DTNA: variants seen among roughly 807,000 people sequenced by gnomAD.
DTNA encodes dystrobrevin alpha, also known as dystrophin-related protein 3.
DTNA carries 43 observed loss-of-function variants against 100.7 expected under a neutral mutation model. The observed-to-expected ratio is 0.43, with a 90% confidence interval of 0.33 to 0.55. The LOEUF (loss-of-function observed/expected upper bound fraction) is 0.55, where lower values mean the gene tolerates loss of function less well. DTNA is among the 20% of genes least tolerant of loss of function. The probability of loss-of-function intolerance (pLI) is 0.04; values close to 1 mark genes in which losing one functional copy is unlikely to be tolerated. For synonymous variants in DTNA, 349 were observed against 347.9 expected, an observed-to-expected ratio of 1.00 and a Z score of -0.04; for missense variants, 798 against 953.9, an observed-to-expected ratio of 0.84 and a Z score of 2.15.
chr18:34,509,634 A>G (rs2144848989), intron 1 of DTNA, among the ~76,000 whole-genome samples: 1 of 152,262 alleles, frequency 6.6e-6, no homozygotes, highest in South Asian at 2.1e-4. Flanking sequence ...AATATGAATC[A>G]TTTTCAAAAC....
intron 10 of DTNA, chr18:34,828,900 G>T: frequency 1.1e-6 from 1 of 921,726 alleles, no homozygotes; most frequent in Non-Finnish European, 1.7e-6. Flanking sequence ...ATCTGTAAAA[G>T]ACACAGGTCT....
At chr18:34,587,694 G>A (rs2049281812) in intron 1 of DTNA, among the ~76,000 whole-genome samples, 1 of 152,018 alleles carries the variant, frequency 6.6e-6, no homozygotes. Context: ...AGCTAACAAG[G>A]GATAAAGACC....
intron 1 of DTNA, among the ~76,000 whole-genome samples, chr18:34,522,924 T>G (rs1256838694): frequency 6.6e-6 from 1 of 152,230 alleles, no homozygotes; most frequent in African/African-American, 2.4e-5. Flanking sequence ...TGTCTTTCAT[T>G]TACAGGAGAC....
chr18:34,770,758 T>A (rs1017517000), intron 3 of DTNA, among the ~76,000 whole-genome samples: 3 of 151,254 alleles, frequency 2.0e-5, no homozygotes, highest in African/African-American at 7.3e-5. Context: ...TTTTTAAAAA[T>A]GCATACTCCC....
At chr18:34,615,227 A>G (rs2055011195) in intron 1 of DTNA, among the ~76,000 whole-genome samples, 1 of 151,970 alleles carries the variant, frequency 6.6e-6, no homozygotes, top group South Asian at 2.1e-4. Context: ...GTGGAGGGGA[A>G]GGTGCCACAC....
intron 3 of DTNA, among the ~76,000 whole-genome samples, chr18:34,781,953 GC>G (rs1174725180): frequency 1.3e-5 from 2 of 152,198 alleles, no homozygotes; most frequent in African/African-American, 2.4e-5. Flanking sequence ...ATGGCTGCCA[GC>G]CCTATCGGTG....
intron 9 of DTNA, chr18:34,822,376 T>C (rs1396558458): frequency 6.6e-6 from 1 of 152,166 alleles, no homozygotes; most frequent in East Asian, 1.9e-4. Flanking sequence ...CTCCCTGAGC[T>C]CTGCCGAGAG....
chr18:34,827,781 C>T, intron 10 of DTNA, 105 bp downstream of exon 10: 1 of 1,137,260 alleles, frequency 8.8e-7, no homozygotes, highest in South Asian at 1.3e-5. Context: ...AATATTGTTA[C>T]TAGAAACTAA....
At chr18:34,665,322 A>G (rs187739089) in intron 1 of DTNA, among the ~76,000 whole-genome samples, 1 of 152,326 alleles carries the variant, frequency 6.6e-6, no homozygotes, top group African/African-American at 2.4e-5. Flanking sequence ...GAATTTGTCA[A>G]TGAAATTGTG....
At chr18:34,756,543 A>G (rs888182009) in intron 2 of DTNA, among the ~76,000 whole-genome samples, 1 of 152,236 alleles carries the variant, frequency 6.6e-6, no homozygotes, top group Admixed American at 6.5e-5. Context: ...CTTGTCATTC[A>G]GACCTCATGT....
At position 34,858,312 on chromosome 18, in the gene DTNA, T is replaced by C. The variant is rs1568803045; in HGVS notation, c.1560T>C (p.Leu520=). The C allele has an allele frequency of 8.7e-6, 14 of 1,614,156 alleles. No homozygotes were observed. The Middle Eastern group carries it at 6.6e-4, about 76-fold the overall frequency. The change falls in exon 16 of 23, where the codon CTT becomes CTC. Residue 520 remains leucine, a synonymous_variant. Coordinates refer to ENST00000444659, the MANE Select transcript of DTNA (RefSeq NM_001386795.1). ...NREILQEIQR[L]RLEHEQASQP... ...AAATCTTACAGGAGATCCAGAGACT[T>C]CGGCTAGAGCATGAACAAGCTTCTC...
intron 16 of DTNA, among the ~76,000 whole-genome samples, chr18:34,860,616 C>T (rs1018278246): frequency 1.3e-5 from 2 of 152,192 alleles, no homozygotes; most frequent in East Asian, 1.9e-4. Flanking sequence ...TCTTCAGACA[C>T]TTTAACACCT....
chr18:34,585,408 TG>T (rs1281684613), intron 1 of DTNA, among the ~76,000 whole-genome samples: 1 of 151,784 alleles, frequency 6.6e-6, no homozygotes, highest in African/African-American at 2.4e-5. Context: ...AAGAAAAAAA[TG>T]TGTAAAAGAA....
intron 19 of DTNA, among the ~76,000 whole-genome samples, chr18:34,879,016 T>C (rs1195052210): frequency 6.6e-6 from 1 of 152,224 alleles, no homozygotes; most frequent in Non-Finnish European, 1.5e-5. Context: ...ACATCATGAT[T>C]AATGGCAGGT....
At chr18:34,506,568 A>G (rs1342542915) in intron 1 of DTNA, among the ~76,000 whole-genome samples, 1 of 152,092 alleles carries the variant, frequency 6.6e-6, no homozygotes, top group Non-Finnish European at 1.5e-5. Flanking sequence ...TTATTGCCTA[A>G]ATTTGTTTTT....
chr18:34,552,647 G>A (rs976864893), intron 1 of DTNA, among the ~76,000 whole-genome samples: 4 of 150,724 alleles, frequency 2.7e-5, no homozygotes, highest in Non-Finnish European at 4.4e-5. Context: ...TTGTTCTTGC[G>A]ATAGTTTACT....
chr18:34,512,098 T>C (rs943138187), intron 1 of DTNA, among the ~76,000 whole-genome samples: 2 of 152,056 alleles, frequency 1.3e-5, no homozygotes, highest in African/African-American at 4.8e-5. Flanking sequence ...GCTGGTTATA[T>C]GCCCTTGATT....
chr18:34,559,523 G>A (rs747857227), intron 1 of DTNA, among the ~76,000 whole-genome samples: 7 of 152,210 alleles, frequency 4.6e-5, no homozygotes, highest in Non-Finnish European at 7.3e-5. Flanking sequence ...CTAATACTAC[G>A]AAGAGAACAC....
chr18:34,657,051 T>C (rs967603122), intron 1 of DTNA, among the ~76,000 whole-genome samples: 3 of 152,100 alleles, frequency 2.0e-5, no homozygotes, highest in Non-Finnish European at 4.4e-5. Flanking sequence ...TAATTTTTTA[T>C]ATTTTCAGTA....
Sources: gnomAD v4.1 joint callset for allele counts (sites outside exome capture counted in the v4.1 genomes callset) on GRCh38, gnomAD v4.1.1 for gene constraint, MANE v1.5 for transcripts, NCBI Gene and HGNC (gene_info 2026-07-23, HGNC 2026-07-21) for gene names.